Variants in AUH observed in about 807,000 individuals in gnomAD.
AUH encodes methylglutaconyl-CoA hydratase, mitochondrial.
AUH carries 29 observed loss-of-function variants against 42.3 expected under a neutral mutation model. The ratio of observed to expected loss-of-function variants is 0.69; its 90% confidence interval spans 0.51 to 0.93. The LOEUF (loss-of-function observed/expected upper bound fraction) is 0.93. Ranked by LOEUF, AUH falls within the 40% of genes least tolerant of loss-of-function variation. The probability of loss-of-function intolerance (pLI) is 0.00; values close to 1 mark genes in which losing one functional copy is unlikely to be tolerated. For missense variants in AUH, 452 were observed against 438.1 expected, an observed-to-expected ratio of 1.03 and a Z score of -0.28; for synonymous variants, 174 against 166.4, an observed-to-expected ratio of 1.05 and a Z score of -0.35.
Position 91,214,111 on chromosome 9 carries a change from C to T in AUH, c.*237G>A, listed in dbSNP as rs933932318. ...TAAATATTTAAAAATGTATATCTAA[C>T]TTTGATTCTGTTTCTGACTATACAC... is the stretch of plus-strand genomic sequence containing the variant. On this transcript the variant is annotated 3_prime_UTR_variant, in exon 10 of 10. Coordinates refer to ENST00000375731, the MANE Select transcript of AUH (RefSeq NM_001698.3). 1.1e-4 allele frequency: 49 copies of T among 441,850 alleles called. No homozygotes were observed. The highest frequency in any genetic ancestry group is 1.8e-4 in the Non-Finnish European group (43 of 243,776). 27.4% of individuals were successfully genotyped at this position (441,850 alleles called of 1,614,324 possible).
chr9:91,360,292 G>A (rs1832751369), intron 1 of AUH: 1 of 152,226 alleles, frequency 6.6e-6, no homozygotes, highest in Non-Finnish European at 1.5e-5. Context: ...AAAGATGATG[G>A]CATTCAGGCT....
At position 91,316,810 on chromosome 9, in the gene AUH, T is replaced by A. The variant is rs377243939; in HGVS notation, c.505+8508A>T. ...TGGCCACTATGTGTTTCAAATATTG[T>A]CTCCCAGTCTGTGTCTTTTCTTTCT... On this transcript the variant is annotated intron_variant, in intron 4 of 9. Coordinates refer to ENST00000375731, the MANE Select transcript of AUH (RefSeq NM_001698.3). 5.3e-5 allele frequency among the ~76,000 whole-genome samples: 8 copies of A among 152,352 alleles called. No homozygotes were observed. The East Asian group carries it at 1.5e-3, about 29-fold the overall frequency.
intron 1 of AUH, chr9:91,357,401 G>A (rs1401582600): frequency 4.1e-6 from 3 of 723,930 alleles, no homozygotes; most frequent in South Asian, 1.3e-4. Context: ...GTGTTACACT[G>A]TTCAAGCTTC....
intron 3 of AUH, among the ~76,000 whole-genome samples, chr9:91,355,267 AAACT>A (rs1439191867): frequency 6.6e-6 from 1 of 152,222 alleles, no homozygotes; most frequent in Non-Finnish European, 1.5e-5. Flanking sequence ...CTTAAGAATG[AAACT>A]AGGGGCCAGG....
intron 6 of AUH, 110 bp from the exon 7 acceptor site, chr9:91,221,102 T>G (rs1318956242): frequency 2.2e-5 from 28 of 1,250,134 alleles, no homozygotes; most frequent in Non-Finnish European, 3.2e-5. Flanking sequence ...GAAGTTTATA[T>G]GTTAAAATTA....
At chr9:91,223,805 C>T (rs753096431) in intron 6 of AUH, among the ~76,000 whole-genome samples, 8 of 152,090 alleles carry the variant, frequency 5.3e-5, no homozygotes, top group Non-Finnish European at 8.8e-5. Flanking sequence ...GTCCCATAGA[C>T]AGTTCTTTTT....
At chr9:91,257,890 G>A (rs1184994852) in intron 6 of AUH, among the ~76,000 whole-genome samples, 2 of 152,172 alleles carry the variant, frequency 1.3e-5, no homozygotes, top group Non-Finnish European at 1.5e-5. Context: ...TCTGATCCAC[G>A]AACACATTAT....
At chr9:91,325,548 T>C in intron 3 of AUH, 144 bp from the exon 4 acceptor site, 2 of 709,380 alleles carry the variant, frequency 2.8e-6, no homozygotes, top group African/African-American at 1.8e-5. Flanking sequence ...TCAGTTTTCC[T>C]TCCCAATGAC....
intron 9 of AUH, 24 bp downstream of exon 9, chr9:91,216,035 T>A (rs764301681): frequency 1.3e-6 from 2 of 1,595,984 alleles, no homozygotes; most frequent in Non-Finnish European, 1.7e-6. Flanking sequence ...TCATCCTCAT[T>A]GAATTTGTGA....
At chr9:91,231,419 A>C (rs1370308981) in intron 6 of AUH, among the ~76,000 whole-genome samples, 1 of 152,010 alleles carries the variant, frequency 6.6e-6, no homozygotes, top group Non-Finnish European at 1.5e-5. Context: ...CGGCTCACAC[A>C]CGGTGCGCGC....
intron 4 of AUH, among the ~76,000 whole-genome samples, chr9:91,316,333 T>C (rs567043285): frequency 7.9e-5 from 12 of 152,342 alleles, no homozygotes; most frequent in African/African-American, 1.9e-4. Context: ...AGTGTAGATA[T>C]ATTTCTTACT....
At chr9:91,227,992 A>C (rs1217164941) in intron 6 of AUH, among the ~76,000 whole-genome samples, 1 of 152,128 alleles carries the variant, frequency 6.6e-6, no homozygotes, top group Non-Finnish European at 1.5e-5. Context: ...CATGTTCATC[A>C]AGGATATTGG....
chr9:91,240,306 T>C (rs1026702376), intron 6 of AUH, among the ~76,000 whole-genome samples: 2 of 152,200 alleles, frequency 1.3e-5, no homozygotes, highest in Non-Finnish European at 2.9e-5. Context: ...TTGAGTGCTG[T>C]CTTGAGGCTG....
In AUH at chr9:91,228,864, T is replaced by C. The variant is rs138924973; in HGVS notation, c.656-7872A>G. ...TCAGTTTCCATGTAGTTGAGCAGTT[T>C]TGAGTGAGATTCTTAATCCTGAGTT... On this transcript the variant is annotated intron_variant, in intron 6 of 9. Transcript: ENST00000375731. Among the ~76,000 whole-genome samples the C allele has an allele frequency of 7.0e-3, 1,071 of 152,366 alleles. 13 individuals carry two copies. The highest frequency in any genetic ancestry group is 0.041 in the East Asian group (212 of 5,192).
rs1242051114 is a variant in AUH, at chr9:91,298,090, A to G, written c.506-14T>C. ...CTGGAAGATTAGCTGAAATGGAAAG[A>G]AAATTTTATGCTTCCTTAATAAGAT... On this transcript the variant is annotated splice_polypyrimidine_tract_variant and intron_variant, in intron 4 of 9. Coordinates refer to ENST00000375731, the MANE Select transcript of AUH (RefSeq NM_001698.3). 1.3e-6 allele frequency: 2 copies of G among 1,584,396 alleles called. No homozygotes were observed. Among genetic ancestry groups the G allele is most frequent in the East Asian group, 2.2e-5 (1 of 44,690 alleles).
intron 6 of AUH, among the ~76,000 whole-genome samples, chr9:91,265,468 C>A (rs183100837): frequency 3.0e-4 from 46 of 152,176 alleles, no homozygotes; most frequent in African/African-American, 1.0e-3. Flanking sequence ...ACTGTCAATT[C>A]TCCTCATGTA....
At chr9:91,297,854 G>C in intron 5 of AUH, 130 bp downstream of exon 5, 1 of 797,406 alleles carries the variant, frequency 1.3e-6, no homozygotes, top group South Asian at 1.5e-5. Flanking sequence ...ACACCATTAG[G>C]ACCAACAAGT....
In AUH at chr9:91,227,565, C is replaced by T. The variant is rs1386423796; in HGVS notation, c.656-6573G>A. On this transcript the variant is annotated intron_variant, in intron 6 of 9. Coordinates refer to ENST00000375731, the MANE Select transcript of AUH (RefSeq NM_001698.3). ...TTATTTCCTTCTCCTGCCTAATTGC[C>T]CTGGCCAGAACTTCCAACACTATGT... Among the ~76,000 whole-genome samples, 5 of 123,422 alleles carry T rather than the reference C, an allele frequency of 4.1e-5. No homozygotes were observed. In the Admixed American group the frequency reaches 4.6e-4, roughly 11 times the overall value. 81.0% of individuals were successfully genotyped at this position (123,422 alleles called of 152,430 possible).
chr9:91,328,235 C>T (rs1007501938), intron 3 of AUH, among the ~76,000 whole-genome samples: 3 of 152,152 alleles, frequency 2.0e-5, no homozygotes, highest in African/African-American at 7.2e-5. Flanking sequence ...CAATACTACC[C>T]CTCCTTAGAG....
Sources: gnomAD v4.1 joint callset for allele counts (sites outside exome capture counted in the v4.1 genomes callset) on GRCh38, gnomAD v4.1.1 for gene constraint, MANE v1.5 for transcripts, NCBI Gene and HGNC (gene_info 2026-07-23, HGNC 2026-07-21) for gene names.